CALN1: variants seen among roughly 807,000 people sequenced by gnomAD.
The protein encoded by CALN1 is calcium-binding protein 8.
Under a neutral mutation model 30.6 loss-of-function variants are expected in CALN1, and 17 were observed. That is an observed-to-expected ratio of 0.56 (90% CI 0.38 to 0.83). CALN1 has a LOEUF of 0.83. Ranked by LOEUF, CALN1 falls within the 40% of genes least tolerant of loss-of-function variation. The pLI is 0.00. For missense variants in CALN1, 291 were observed against 354.9 expected (o/e 0.82, Z 1.45); for synonymous variants, 156 against 131.4 (o/e 1.19, Z -1.28).
chr7:72,493,132 A>T, the CALN1 span, among the ~76,000 whole-genome samples: 1 of 151,982 alleles, frequency 6.6e-6, no homozygotes, highest in Non-Finnish European at 1.5e-5. Flanking sequence ...GATATTCCCC[A>T]GTCTCCCGCC....
rs150014388 is a variant in CALN1, at chr7:72,384,299, C to T, written c.119+18952G>A. Among the ~76,000 whole-genome samples, 1,169 of 152,202 alleles carry T rather than the reference C, an allele frequency of 7.7e-3. 17 individuals are homozygous for T. The highest frequency in any genetic ancestry group is 0.027 in the African/African-American group (1,115 of 41,516). ...TGCATATTCTCTCCAATATCTACTC[C>T]TGGGGGATTAGAGGAACACAGAGAG... On this transcript the variant is annotated intron_variant, in intron 2 of 6. Transcript: ENST00000395275.
At chr7:71,862,131 C>A (rs71551227) in intron 5 of CALN1, among the ~76,000 whole-genome samples, 1 of 152,220 alleles carries the variant, frequency 6.6e-6, no homozygotes, top group East Asian at 1.9e-4. Flanking sequence ...AACAACTAGC[C>A]TCTCATAAAT....
intron 4 of CALN1, among the ~76,000 whole-genome samples, chr7:72,076,121 A>G (rs979381921): frequency 1.3e-5 from 2 of 152,138 alleles, no homozygotes; most frequent in African/African-American, 4.8e-5. Context: ...CAAAGCTCAC[A>G]GTGGCCAAGG....
chr7:71,949,814 T>G (rs967735325), intron 5 of CALN1, among the ~76,000 whole-genome samples: 1 of 151,438 alleles, frequency 6.6e-6, no homozygotes, highest in African/African-American at 2.4e-5. Context: ...CAGGCTGGAG[T>G]GCAGTGGCAC....
intron 4 of CALN1, among the ~76,000 whole-genome samples, chr7:72,047,484 G>A (rs546521608): frequency 6.6e-6 from 1 of 152,262 alleles, no homozygotes; most frequent in African/African-American, 2.4e-5. Flanking sequence ...AGCTACTTGG[G>A]AGGCTGAGGC....
intron 5 of CALN1, among the ~76,000 whole-genome samples, chr7:71,940,044 T>G (rs1471661493): frequency 1.3e-5 from 2 of 152,132 alleles, no homozygotes; most frequent in Admixed American, 1.3e-4. Context: ...ACCTTTGTTA[T>G]TGTTGTTGTT....
At position 71,787,675 on chromosome 7, in the gene CALN1, A is replaced by G. The variant is rs545701116; in HGVS notation, c.*100T>C. 227 of 1,511,050 alleles carry G rather than the reference A, an allele frequency of 1.5e-4. No homozygotes were observed. The highest frequency in any genetic ancestry group is 2.0e-4 in the Non-Finnish European group (221 of 1,120,558). 93.6% of individuals were successfully genotyped at this position (1,511,050 alleles called of 1,614,324 possible). A position where few individuals can be genotyped will look rare whatever the true frequency, so the allele number is the denominator to read the frequency against. ...ACGGTTCCATCGTCCGCATCCATCC[A>G]TAGTCCATAGGTCCGTGTCTGCTGT... is the stretch of plus-strand genomic sequence containing the variant. On this transcript the variant is annotated 3_prime_UTR_variant, in exon 7 of 7. Coordinates refer to ENST00000395275, the MANE Select transcript of CALN1 (RefSeq NM_031468.4).
At chr7:72,434,656 G>A (rs2129564140) in intron 1 of CALN1, among the ~76,000 whole-genome samples, 1 of 152,322 alleles carries the variant, frequency 6.6e-6, no homozygotes, top group Non-Finnish European at 1.5e-5. Context: ...TCCAGGGGGA[G>A]AGGCAGCAAG....
rs979712420 is a variant in CALN1, at chr7:71,804,675, C to T, written c.658+5661G>A. On this transcript the variant is annotated intron_variant, in intron 6 of 6. Transcript: ENST00000395275. Reference sequence around the variant, plus strand: ...CTCTACTAAAAATACAAAAATGAGCCGGGTGCGGTGGCACATGCCTGTAAT... The same window carrying T: ...CTCTACTAAAAATACAAAAATGAGCTGGGTGCGGTGGCACATGCCTGTAAT... Among the ~76,000 whole-genome samples, 5 of 150,546 alleles carry T rather than the reference C, an allele frequency of 3.3e-5. No individual in the cohort carries two copies. In the East Asian group the frequency reaches 5.8e-4, roughly 18 times the overall value.
chr7:72,289,633 C>G (rs1447132947), intron 2 of CALN1, among the ~76,000 whole-genome samples: 2 of 152,096 alleles, frequency 1.3e-5, no homozygotes, highest in Admixed American at 6.6e-5. Flanking sequence ...TACCAGCATA[C>G]CACCATGAAG....
At chr7:72,467,025 A>T in the CALN1 span, among the ~76,000 whole-genome samples, 1 of 152,102 alleles carries the variant, frequency 6.6e-6, no homozygotes, top group Non-Finnish European at 1.5e-5. Flanking sequence ...TGAGGATCAA[A>T]GAGAAGTTAA....
intron 3 of CALN1, among the ~76,000 whole-genome samples, chr7:72,196,597 A>G (rs1307238869): frequency 1.3e-5 from 2 of 152,248 alleles, no homozygotes; most frequent in Non-Finnish European, 2.9e-5. Context: ...ATGTAGATTC[A>G]AATATAATTC....
chr7:72,314,427 A>G (rs1309245869), intron 2 of CALN1, among the ~76,000 whole-genome samples: 1 of 151,488 alleles, frequency 6.6e-6, no homozygotes, highest in Admixed American at 6.6e-5. Flanking sequence ...ACACACATAC[A>G]TAGATTTTTT....
rs1169794971 is a variant in CALN1 at position 71,783,368 on chromosome 7, A to C, written c.*4407T>G. ...GCCCTTCCTAGCAGGGGAATTCCAG[A>C]CCCCCCCTGTTATCTTGGTGAAATG... is the stretch of plus-strand genomic sequence containing the variant. On this transcript the variant is annotated 3_prime_UTR_variant, in exon 7 of 7. Transcript: ENST00000395275. The C allele has an allele frequency of 6.6e-6, 1 of 151,552 alleles. No homozygotes were observed. Among genetic ancestry groups the C allele is most frequent in the Admixed American group, 6.6e-5 (1 of 15,150 alleles). The allele number at this position is 151,552 out of a possible 1,614,324, so 9.4% of individuals were successfully genotyped here.
At chr7:72,198,020 C>G (rs1791154879) in intron 3 of CALN1, among the ~76,000 whole-genome samples, 1 of 152,096 alleles carries the variant, frequency 6.6e-6, no homozygotes, top group Non-Finnish European at 1.5e-5. Flanking sequence ...AAGGTTCATT[C>G]CCTCTTTGGA....
At chr7:72,301,438 T>C (rs1330940052) in intron 2 of CALN1, among the ~76,000 whole-genome samples, 1 of 151,730 alleles carries the variant, frequency 6.6e-6, no homozygotes, top group East Asian at 1.9e-4. Context: ...TGAAACCCTG[T>C]CTCTACTAAA....
At chr7:71,804,138 A>C (rs1787469775) in intron 6 of CALN1, among the ~76,000 whole-genome samples, 1 of 152,110 alleles carries the variant, frequency 6.6e-6, no homozygotes, top group Admixed American at 6.6e-5. Context: ...AATATTGCTC[A>C]CTTAATGAAG....
intron 2 of CALN1, among the ~76,000 whole-genome samples, chr7:72,317,420 T>C (rs1476705763): frequency 6.6e-6 from 1 of 152,226 alleles, no homozygotes; most frequent in Non-Finnish European, 1.5e-5. Flanking sequence ...GATTTATTCC[T>C]AAACATTTCT....
At chr7:72,267,482 C>A (rs891643064) in intron 3 of CALN1, among the ~76,000 whole-genome samples, 1 of 152,186 alleles carries the variant, frequency 6.6e-6, no homozygotes, top group Non-Finnish European at 1.5e-5. Context: ...CAAGTGCTCA[C>A]CCATGTGTCA....
Sources: allele counts gnomAD v4.1 joint callset (sites outside exome capture counted in the v4.1 genomes callset), GRCh38; gene constraint gnomAD v4.1.1; transcripts MANE v1.5; gene names NCBI Gene and HGNC (gene_info 2026-07-23, HGNC 2026-07-21).